The following GOPC variants were observed in gnomAD, a reference collection of about 807,000 sequenced individuals.
The protein encoded by GOPC is Golgi-associated PDZ and coiled-coil motif-containing protein.
Under a neutral mutation model 51.2 loss-of-function variants are expected in GOPC, and 32 were observed. The observed-to-expected ratio is 0.63, with a 90% confidence interval of 0.47 to 0.84. The LOEUF (loss-of-function observed/expected upper bound fraction) is 0.84. Ranked by LOEUF, GOPC falls within the 40% of genes least tolerant of loss-of-function variation. The pLI, the probability that GOPC is intolerant of heterozygous loss-of-function variation, is 0.00. For missense variants in GOPC, 441 were observed against 555.5 expected, an observed-to-expected ratio of 0.79 and a Z score of 2.07; for synonymous variants, 190 against 205.1, an observed-to-expected ratio of 0.93 and a Z score of 0.63.
intron 1 of GOPC, among the ~76,000 whole-genome samples, chr6:117,595,462 G>C (rs529584422): frequency 7.2e-5 from 11 of 152,110 alleles, no homozygotes; most frequent in Non-Finnish European, 8.8e-5. Context: ...AAGTTATTTA[G>C]TGGTGATTTC....
chr6:117,575,164 AT>A lies in GOPC; in HGVS notation c.650+12del. ...GTCACTTAAGAGTACAATAATACCC[AT>A]TTTTTACACACCTTCCTGCCAGTTC... On this transcript the variant is annotated intron_variant, in intron 4 of 8. Transcript: ENST00000368498. 1.3e-6 allele frequency: 2 copies of A among 1,583,040 alleles called. No homozygotes were observed. Among genetic ancestry groups the A allele is most frequent in the Non-Finnish European group, 8.6e-7 (1 of 1,168,242 alleles).
intron 7 of GOPC, among the ~76,000 whole-genome samples, chr6:117,567,265 C>A (rs1286265618): frequency 1.3e-5 from 2 of 152,144 alleles, no homozygotes; most frequent in African/African-American, 4.8e-5. Context: ...GCTCTTTCTA[C>A]TGACCATAGT....
Position 117,566,967 on chromosome 6 carries a change from T to C in GOPC, c.1145A>G (p.Glu382Gly). 6.2e-7 allele frequency: 1 copy of C among 1,610,432 alleles called. No homozygotes were observed. Among genetic ancestry groups the C allele is most frequent in the Non-Finnish European group, 8.5e-7 (1 of 1,178,396 alleles). The change falls in exon 8 of 9, where the codon GAG (glutamate) becomes GGG (glycine). Residue 382 changes from glutamate (E) to glycine (G), a missense_variant. Glu to Gly is a moderately conservative substitution (Grantham distance 98). This residue lies in a region of GOPC where 166 missense variants were observed against 267.0 expected (regional missense o/e 0.62). Coordinates refer to ENST00000368498, the MANE Select transcript of GOPC (RefSeq NM_020399.4). ...PEVDSDDENV[E>G]YEDESGHRYR... The stretch of plus-strand genomic sequence containing the variant: ...ACGATGTCCACTCTCATCTTCATAC[T>C]CTACGTTTTCATCATCAGAATCCAC...
chr6:117,574,241 ACCCCATC>A, intron 4 of GOPC, among the ~76,000 whole-genome samples: 1 of 151,684 alleles, frequency 6.6e-6, no homozygotes, highest in South Asian at 2.1e-4. Context: ...ACAGAGTGAG[ACCCCATC>A]TCACAAAATT....
At chr6:117,587,416 G>C in intron 1 of GOPC, among the ~76,000 whole-genome samples, 1 of 151,910 alleles carries the variant, frequency 6.6e-6, no homozygotes, top group East Asian at 1.9e-4. Flanking sequence ...AAGGCAGGAG[G>C]ATCACTTGAG....
intron 5 of GOPC, 75 bp downstream of exon 5, chr6:117,573,392 G>A (rs1326423818): frequency 1.1e-5 from 17 of 1,480,248 alleles, no homozygotes; most frequent in African/African-American, 2.8e-5. Context: ...TAGAATAAAG[G>A]AAAGAATGGA....
chr6:117,564,284 C>A (rs1435196326), intron 8 of GOPC, among the ~76,000 whole-genome samples: 2 of 152,136 alleles, frequency 1.3e-5, no homozygotes, highest in African/African-American at 4.8e-5. Context: ...GTCTGTAAGA[C>A]TTAGAAGTAA....
At chr6:117,598,349 G>A (rs928513053) in intron 1 of GOPC, among the ~76,000 whole-genome samples, 6 of 152,046 alleles carry the variant, frequency 3.9e-5, no homozygotes, top group East Asian at 1.9e-4. Flanking sequence ...CTCCAGCCTG[G>A]GTAACAGAGT....
chr6:117,590,205 G>A (rs1366002663), intron 1 of GOPC, among the ~76,000 whole-genome samples: 1 of 152,182 alleles, frequency 6.6e-6, no homozygotes, highest in East Asian at 1.9e-4. Context: ...AGTACTCACT[G>A]TGTACCACAA....
At chr6:117,598,694 A>G (rs1771929159) in intron 1 of GOPC, among the ~76,000 whole-genome samples, 1 of 152,214 alleles carries the variant, frequency 6.6e-6, no homozygotes, top group East Asian at 1.9e-4. Flanking sequence ...CAGGAGCCAG[A>G]GGTCAGGCTG....
intron 1 of GOPC, among the ~76,000 whole-genome samples, chr6:117,596,361 T>G (rs967708858): frequency 6.6e-6 from 1 of 152,092 alleles, no homozygotes; most frequent in Non-Finnish European, 1.5e-5. Flanking sequence ...TTACTCTGAT[T>G]ATTTCTTTTG....
intron 1 of GOPC, 61 bp from the exon 2 acceptor site, chr6:117,579,125 A>G (rs1308200634): frequency 3.0e-6 from 4 of 1,330,432 alleles, no homozygotes; most frequent in African/African-American, 3.0e-5. Context: ...TTGACTAATA[A>G]TTGTTATTCA....
At chr6:117,564,601 A>AT in intron 8 of GOPC, among the ~76,000 whole-genome samples, 1 of 152,278 alleles carries the variant, frequency 6.6e-6, no homozygotes, top group Non-Finnish European at 1.5e-5. Context: ...CAATAGATAC[A>AT]TTTTTTTAAG....
intron 7 of GOPC, 129 bp from the exon 8 acceptor site, chr6:117,567,163 T>TA: frequency 6.7e-6 from 4 of 594,930 alleles, no homozygotes; most frequent in Non-Finnish European, 1.1e-5. Context: ...AGAAAATAAA[T>TA]AATAAAATTC....
intron 1 of GOPC, among the ~76,000 whole-genome samples, chr6:117,593,864 GT>G (rs945133102): frequency 1.3e-5 from 2 of 151,922 alleles, no homozygotes; most frequent in Non-Finnish European, 2.9e-5. Flanking sequence ...CCATCTCTAG[GT>G]TTTTTTTATT....
At chr6:117,590,400 G>C (rs781479151) in intron 1 of GOPC, among the ~76,000 whole-genome samples, 16 of 151,844 alleles carry the variant, frequency 1.1e-4, no homozygotes, top group Non-Finnish European at 1.9e-4. Flanking sequence ...GTGAGACCCT[G>C]TCTCTACAAA....
At chr6:117,568,745 C>T (rs1321302494) in intron 7 of GOPC, among the ~76,000 whole-genome samples, 1 of 152,138 alleles carries the variant, frequency 6.6e-6, no homozygotes, top group Non-Finnish European at 1.5e-5. Flanking sequence ...AAAATCAGTA[C>T]TGTATTACAA....
intron 1 of GOPC, among the ~76,000 whole-genome samples, chr6:117,588,371 G>T (rs1343295877): frequency 6.6e-6 from 1 of 151,908 alleles, no homozygotes; most frequent in Non-Finnish European, 1.5e-5. Flanking sequence ...CACGTCCCAG[G>T]TTCAAGAGAT....
chr6:117,599,804 T>C (rs1771962142), intron 1 of GOPC, among the ~76,000 whole-genome samples: 1 of 152,248 alleles, frequency 6.6e-6, no homozygotes, highest in South Asian at 2.1e-4. Flanking sequence ...AATACTCATC[T>C]AAAATATTTA....
Sources: gnomAD v4.1 joint callset for allele counts (sites outside exome capture counted in the v4.1 genomes callset) on GRCh38, gnomAD v4.1.1 for gene constraint, gnomAD v4.1.1 regional missense constraint, MANE v1.5 for transcripts, NCBI Gene and HGNC (gene_info 2026-07-23, HGNC 2026-07-21) for gene names.